The following SFXN5 variants were observed in gnomAD, a reference collection of about 807,000 sequenced individuals.
SFXN5 encodes the protein sideroflexin-5.
SFXN5 carries 43 observed loss-of-function variants against 50.2 expected under a neutral mutation model. The observed-to-expected ratio is 0.86, with a 90% CI of 0.67 to 1.11. The LOEUF (loss-of-function observed/expected upper bound fraction) is 1.11. SFXN5 is among the 50% of genes least tolerant of loss of function. The probability of loss-of-function intolerance (pLI) is 0.00; values close to 1 mark genes in which losing one functional copy is unlikely to be tolerated. For missense variants in SFXN5, 463 were observed against 454.1 expected (o/e 1.02, Z -0.18); for synonymous variants, 203 against 185.8 (o/e 1.09, Z -0.75).
intron 12 of SFXN5, among the ~76,000 whole-genome samples, chr2:72,963,180 C>T (rs1256259458): frequency 6.6e-6 from 1 of 152,170 alleles, no homozygotes; most frequent in African/African-American, 2.4e-5. Context: ...GTGGCAGTGA[C>T]TAGAGGGTGT....
intron 1 of SFXN5, among the ~76,000 whole-genome samples, chr2:73,064,832 G>A (rs1414360665): frequency 6.6e-6 from 1 of 152,188 alleles, no homozygotes; most frequent in Non-Finnish European, 1.5e-5. Flanking sequence ...TGTCACCCAG[G>A]CTGGAGTGCA....
rs141412312 is a variant in SFXN5 at position 73,005,989 on chromosome 2, G to C, written c.358-4411C>G. Among the ~76,000 whole-genome samples, 9 of 152,038 alleles carry C rather than the reference G, an allele frequency of 5.9e-5. No individual in the cohort carries two copies. The East Asian group carries it at 1.7e-3, about 29-fold the overall frequency. On this transcript the variant is annotated intron_variant, in intron 6 of 13. Coordinates refer to ENST00000272433, the MANE Select transcript of SFXN5 (RefSeq NM_144579.3). ...CTCCCTGCACCCATACCCTTGCCAC[G>C]GCCTCATCACAGAAGGAATTTATTT...
At position 72,990,460 on chromosome 2, in the gene SFXN5, T is replaced by C. The variant is rs114698485; in HGVS notation, c.535-2112A>G. Among the ~76,000 whole-genome samples, 692 of 152,030 alleles carry C rather than the reference T, an allele frequency of 4.6e-3. 10 individuals are homozygous for C. The highest frequency in any genetic ancestry group is 0.015 in the African/African-American group (626 of 41,480). ...CTCCCTCACCCCCAAAAAAGTGCAT[T>C]GAGAGAAAGTGTGGGAGGAAGCTGG... On this transcript the variant is annotated intron_variant, in intron 9 of 13. Coordinates refer to ENST00000272433, the MANE Select transcript of SFXN5 (RefSeq NM_144579.3).
chr2:72,991,810 A>C (rs1298347039), intron 9 of SFXN5, among the ~76,000 whole-genome samples: 1 of 152,246 alleles, frequency 6.6e-6, no homozygotes, highest in East Asian at 1.9e-4. Context: ...TTAATGGCAC[A>C]CAGCTCATCA....
intron 10 of SFXN5, among the ~76,000 whole-genome samples, chr2:72,982,596 G>C (rs971190939): frequency 6.6e-6 from 1 of 152,204 alleles, no homozygotes; most frequent in Admixed American, 6.5e-5. Context: ...AATGTCTAAT[G>C]GGGGAGGCAG....
At position 73,022,595 on chromosome 2, in the gene SFXN5, G is replaced by C; in HGVS notation, c.277-19C>G. Reference sequence around the variant, plus strand: ...GAATAGCCTGGCAAAAGCAGGAACAGAGAATGGGGTGGGGACGGGGGTGTA... The same window carrying C: ...GAATAGCCTGGCAAAAGCAGGAACACAGAATGGGGTGGGGACGGGGGTGTA... On this transcript the variant is annotated intron_variant, in intron 4 of 13. Transcript: ENST00000272433. 1 of 1,207,060 alleles carries C rather than the reference G, an allele frequency of 8.3e-7. No homozygotes were observed. The highest frequency in any genetic ancestry group is 1.1e-6 in the Non-Finnish European group (1 of 882,738). 74.8% of individuals were successfully genotyped at this position (1,207,060 alleles called of 1,614,324 possible). A position where few individuals can be genotyped will look rare whatever the true frequency, so the allele number is the denominator to read the frequency against.
intron 8 of SFXN5, 93 bp downstream of exon 8, chr2:73,000,338 C>A: frequency 8.1e-7 from 1 of 1,235,662 alleles, no homozygotes; most frequent in Non-Finnish European, 1.1e-6. Flanking sequence ...AACCAAGAGG[C>A]AGCCACTGAT....
chr2:72,966,751 TG>T (rs2105421381), intron 12 of SFXN5, among the ~76,000 whole-genome samples: 1 of 152,338 alleles, frequency 6.6e-6, no homozygotes, highest in South Asian at 2.1e-4. Flanking sequence ...TCCTGCTCTC[TG>T]GGTCGGCCGC....
chr2:73,029,342 AATGACAT>A (rs1484598735), intron 3 of SFXN5, among the ~76,000 whole-genome samples: 1 of 152,254 alleles, frequency 6.6e-6, no homozygotes, highest in Non-Finnish European at 1.5e-5. Flanking sequence ...CCAAGCGTTA[AATGACAT>A]ATGCATATAT....
intron 3 of SFXN5, among the ~76,000 whole-genome samples, chr2:73,031,713 C>A (rs1678328681): frequency 1.3e-5 from 2 of 152,202 alleles, no homozygotes; most frequent in African/African-American, 4.8e-5. Flanking sequence ...CCATTTTCAA[C>A]AAAAATTCCT....
rs372075902 is a variant in SFXN5 at position 73,022,585 on chromosome 2, A to G, written c.277-9T>C. On this transcript the variant is annotated splice_polypyrimidine_tract_variant and intron_variant, in intron 4 of 13. Transcript: ENST00000272433. ...TCCGGATGTAGAATAGCCTGGCAAA[A>G]GCAGGAACAGAGAATGGGGTGGGGA... 7.5e-7 allele frequency: 1 copy of G among 1,340,970 alleles called. No homozygotes were observed. The highest frequency in any genetic ancestry group is 1.1e-5 in the South Asian group (1 of 87,138). 83.1% of individuals were successfully genotyped at this position (1,340,970 alleles called of 1,614,324 possible).
At position 73,024,477 on chromosome 2, in the gene SFXN5, A is replaced by AC. The variant is rs1434119240; in HGVS notation, c.250-1264dup. Among the ~76,000 whole-genome samples, 5 of 152,196 alleles carry AC rather than the reference A, an allele frequency of 3.3e-5. No homozygotes were observed. In the Middle Eastern group the frequency reaches 0.01, roughly 311 times the overall value. ...AGTCCACCCTGGGCAACAAAGGGAGACCCCATCTCTACAAAAAATCTTAAA... is the reference window on the plus strand; with the variant it reads ...AGTCCACCCTGGGCAACAAAGGGAGACCCCCATCTCTACAAAAAATCTTAAA... On this transcript the variant is annotated intron_variant, in intron 3 of 13. Coordinates refer to ENST00000272433, the MANE Select transcript of SFXN5 (RefSeq NM_144579.3).
chr2:73,059,311 AG>A (rs747130894), intron 1 of SFXN5: 109 of 985,640 alleles, frequency 1.1e-4, no homozygotes, highest in Non-Finnish European at 1.2e-4. Context: ...GCTGAGCTCA[AG>A]GGGAAGACAG....
chr2:72,974,825 G>A (rs567471282), intron 10 of SFXN5, among the ~76,000 whole-genome samples: 12 of 148,510 alleles, frequency 8.1e-5, no homozygotes, highest in Admixed American at 2.0e-4. Flanking sequence ...GGGACACTGA[G>A]AGCCTAAGCA....
At chr2:73,052,024 T>C (rs1681397152) in intron 2 of SFXN5, among the ~76,000 whole-genome samples, 1 of 152,230 alleles carries the variant, frequency 6.6e-6, no homozygotes, top group South Asian at 2.1e-4. Context: ...GGATTTTTTT[T>C]TTAATTTAAT....
At chr2:72,984,264 G>C (rs1379344098) in intron 10 of SFXN5, among the ~76,000 whole-genome samples, 1 of 152,246 alleles carries the variant, frequency 6.6e-6, no homozygotes, top group Non-Finnish European at 1.5e-5. Context: ...TCTCTCCAAG[G>C]GGAGAGAAAT....
intron 4 of SFXN5, 55 bp downstream of exon 4, chr2:73,023,133 G>C (rs1677110341): frequency 1.3e-6 from 2 of 1,565,740 alleles, no homozygotes; most frequent in African/African-American, 1.4e-5. Flanking sequence ...GGACAGGGCA[G>C]GGTGGAGTCC....
chr2:73,047,294 AT>A (rs1559200111), intron 2 of SFXN5, among the ~76,000 whole-genome samples: 1 of 102,238 alleles, frequency 9.8e-6, no homozygotes, highest in African/African-American at 4.3e-5. Context: ...ATATATATAT[AT>A]ATAAAATATA....
At chr2:73,006,197 A>G (rs971265718) in intron 6 of SFXN5, among the ~76,000 whole-genome samples, 2 of 152,080 alleles carry the variant, frequency 1.3e-5, no homozygotes, top group Admixed American at 1.3e-4. Flanking sequence ...AAGGAGGAGG[A>G]CAGACAGGAG....
Sources: gnomAD v4.1 joint callset for allele counts (sites outside exome capture counted in the v4.1 genomes callset) on GRCh38, gnomAD v4.1.1 for gene constraint, MANE v1.5 for transcripts, NCBI Gene and HGNC (gene_info 2026-07-23, HGNC 2026-07-21) for gene names.